The following ZNF425 variants were observed in gnomAD, a reference collection of about 807,000 sequenced individuals.
ZNF425 encodes the protein zinc finger protein 425.
ZNF425 carries 21 observed loss-of-function variants against 17.0 expected under a neutral mutation model. The ratio of observed to expected loss-of-function variants is 1.23; its 90% confidence interval spans 0.88 to 1.78. ZNF425 has a LOEUF of 1.78. Among genes scored for constraint, ZNF425 ranks in the 40% most tolerant of loss-of-function variants. ZNF425 has a pLI of 0.00. For synonymous variants in ZNF425, 433 were observed against 384.1 expected, an observed-to-expected ratio of 1.13 and a Z score of -1.49; for missense variants, 868 against 967.3, an observed-to-expected ratio of 0.90 and a Z score of 1.36.
chr7:149,111,164 A>C (rs1481022837), intron 3 of ZNF425, among the ~76,000 whole-genome samples: 1 of 151,524 alleles, frequency 6.6e-6, no homozygotes, highest in Non-Finnish European at 1.5e-5. Flanking sequence ...AACATATATC[A>C]CCACACCAGG....
chr7:149,105,522 T>G lies in ZNF425; in HGVS notation c.349A>C (p.Asn117His). The G allele has an allele frequency of 6.6e-7, 1 of 1,517,340 alleles. No homozygotes were observed. The allele number at this position is 1,517,340 out of a possible 1,614,324, so 94.0% of individuals were successfully genotyped here. The change falls in exon 4 of 4, where the codon AAT (asparagine) becomes CAT (histidine). Residue 117 changes from asparagine to histidine, a missense_variant. By Grantham distance (68) the Asn-to-His change is moderately conservative. Transcript: ENST00000378061. Reference protein sequence around the residue: ...PRTKEEDCRLNGPQKQDLCAA... With the variant: ...PRTKEEDCRLHGPQKQDLCAA... The stretch of plus-strand genomic sequence containing the variant: ...CACAAGTCCTGTTTTTGAGGACCAT[T>G]TAAACGGCAATCCTCTTCTTTTGTC...
In ZNF425 at chr7:149,118,303, C is replaced by T; in HGVS notation, c.64G>A (p.Glu22Lys). The change falls in exon 2 of 4, where the codon GAG (glutamate) becomes AAG (lysine). Residue 22 changes from glutamate (E) to lysine (K), a missense_variant. This residue lies in a region of ZNF425 where 179 missense variants were observed against 216.3 expected (regional missense o/e 0.83). Coordinates refer to ENST00000378061, the MANE Select transcript of ZNF425 (RefSeq NM_001001661.3). Reference sequence around the variant, plus strand: ...TGCCACTTCTCCAGGATCTCCCACTCTTGTTCCGAAAAATATAAGGCCACA... The same window carrying T: ...TGCCACTTCTCCAGGATCTCCCACTTTTGTTCCGAAAAATATAAGGCCACA... ...DDVALYFSEQ[E>K]WEILEKWQKQ... 6.2e-7 allele frequency: 1 copy of T among 1,614,128 alleles called. No homozygotes were observed. The highest frequency in any genetic ancestry group is 1.7e-5 in the Admixed American group (1 of 60,002).
Position 149,104,022 on chromosome 7 carries a change from TC to T in ZNF425, c.1848del (p.Lys617ArgfsTer9). The T allele has an allele frequency of 6.2e-7, 1 of 1,613,888 alleles. No individual in the cohort carries two copies. Among genetic ancestry groups the T allele is most frequent in the Non-Finnish European group, 8.5e-7 (1 of 1,179,812 alleles). ...GEKPYQCPEC[E>X]KTFRLKGNLK... ...AGGTTTCCCTTGAGGCGGAAAGTCT[TC>T]TCGCATTCAGGACACTGGTAGGGCT... is the stretch of plus-strand genomic sequence containing the variant. On this transcript the variant is annotated frameshift_variant, in exon 4 of 4. Coordinates refer to ENST00000378061, the MANE Select transcript of ZNF425 (RefSeq NM_001001661.3). LOFTEE classifies it low-confidence loss of function (END_TRUNC). The surrounding 1 kb of genome is among the most constrained non-coding windows in gnomAD (Gnocchi z 4.3).
chr7:149,103,816 C>T lies in ZNF425; in HGVS notation c.2055G>A (p.Leu685=). The T allele has an allele frequency of 6.2e-7, 1 of 1,614,048 alleles. No individual in the cohort carries two copies. The highest frequency in any genetic ancestry group is 1.6e-4 in the Middle Eastern group (1 of 6,062). Residue 685 remains leucine (L), a synonymous_variant, in exon 4 of 4, where the codon TTG becomes TTA. Coordinates refer to ENST00000378061, the MANE Select transcript of ZNF425 (RefSeq NM_001001661.3). ...AGGGCCTCTCTCCACTGTGCTTATA[C>T]AAGTGGACCTTCAAGCTGCCCCTGA... ...YCIRGSLKVH[L]YKHSGERPFQ...
chr7:149,125,290 A>G (rs903109777), intron 1 of ZNF425, among the ~76,000 whole-genome samples: 1 of 152,214 alleles, frequency 6.6e-6, no homozygotes, highest in Non-Finnish European at 1.5e-5. Context: ...AACTGAATGT[A>G]ACAGGGTTTC....
In ZNF425 at chr7:149,103,961, G is replaced by C. The variant is rs771611305; in HGVS notation, c.1910C>G (p.Pro637Arg). 5.0e-6 allele frequency: 8 copies of C among 1,614,154 alleles called. No individual in the cohort carries two copies. The highest frequency in any genetic ancestry group is 6.8e-6 in the Non-Finnish European group (8 of 1,180,046). ...TTTGCCGCACATCACACAAGAGAAT[G>C]GCTTTTGGCCACTGTGCTGCAGCAG... ...SHLLQHSGQK[P>R]FSCVMCGKSF... The change falls in exon 4 of 4, where the codon CCA becomes CGA. Residue 637 changes from proline (P) to arginine (R), a missense_variant. This residue lies in a region of ZNF425 where 437 missense variants were observed against 444.2 expected (regional missense o/e 0.98). Transcript: ENST00000378061.
At chr7:149,118,076 C>T (rs74531338) in intron 2 of ZNF425, 146 bp downstream of exon 2, 1 of 838,630 alleles carries the variant, frequency 1.2e-6, no homozygotes. Context: ...TTAATATTCC[C>T]AGGCCATTAT....
Position 149,104,081 on chromosome 7 carries a change from A to G in ZNF425, c.1790T>C (p.Leu597Pro). 6.2e-7 allele frequency: 1 copy of G among 1,612,998 alleles called. No homozygotes were observed. The highest frequency in any genetic ancestry group is 1.1e-5 in the South Asian group (1 of 91,076). Reference sequence around the variant, plus strand: ...ACTGTGCAGCCTCAGGTGCTCGGTGAGCTGAGACTGATGCGTGTAGGTCTT... The same window carrying G: ...ACTGTGCAGCCTCAGGTGCTCGGTGGGCTGAGACTGATGCGTGTAGGTCTT... ...CDKTYTHQSQ[L>P]TEHLRLHSGE... The change falls in exon 4 of 4, where the codon CTC becomes CCC. Residue 597 changes from leucine to proline, a missense_variant. Coordinates refer to ENST00000378061, the MANE Select transcript of ZNF425 (RefSeq NM_001001661.3). The surrounding 1 kb of genome is among the most constrained non-coding windows in gnomAD (Gnocchi z 4.3).
intron 2 of ZNF425, among the ~76,000 whole-genome samples, chr7:149,114,471 C>G (rs573045632): frequency 6.7e-6 from 1 of 150,210 alleles, no homozygotes; most frequent in African/African-American, 2.4e-5. Flanking sequence ...CAGAGTGGCT[C>G]ACTGCAACCT....
At position 149,104,289 on chromosome 7, in the gene ZNF425, A is replaced by C; in HGVS notation, c.1582T>G (p.Cys528Gly). 6.2e-7 allele frequency: 1 copy of C among 1,613,722 alleles called. No individual in the cohort carries two copies. Among genetic ancestry groups the C allele is most frequent in the African/African-American group, 1.3e-5 (1 of 75,070 alleles). The change falls in exon 4 of 4, where the codon TGC becomes GGC. Residue 528 changes from cysteine to glycine, a missense_variant. By Grantham distance (159) the Cys-to-Gly change is radical (BLOSUM62 -3). Around this residue, in one of 5 missense-constraint regions of ZNF425, gnomAD observed 437 missense variants for 444.2 expected, o/e 0.98. Transcript: ENST00000378061. The surrounding 1 kb of genome is among the most constrained non-coding windows in gnomAD (Gnocchi z 4.3). ...KVHTTEKPFS[C>G]AECGRSFRRR... ...CGGAAACTGCGGCCGCACTCGGCGC[A>C]GGAGAACGGCTTTTCCGTGGTGTGG...
At chr7:149,114,784 A>T (rs1257658492) in intron 2 of ZNF425, among the ~76,000 whole-genome samples, 2 of 127,632 alleles carry the variant, frequency 1.6e-5, no homozygotes, top group South Asian at 2.3e-4. Context: ...CACTGTGAGT[A>T]AAAAAAAAAA....
At chr7:149,125,968 G>A (rs1010991850) in intron 1 of ZNF425, 22 of 861,034 alleles carry the variant, frequency 2.6e-5, no homozygotes, top group Middle Eastern at 3.5e-4. Flanking sequence ...GGCCACAGAC[G>A]CGCGCGGCCA....
intron 3 of ZNF425, 132 bp from the exon 4 acceptor site, chr7:149,105,698 T>G: frequency 1.9e-6 from 1 of 519,898 alleles, no homozygotes; most frequent in East Asian, 4.5e-5. Context: ...TTGTCCAGGC[T>G]GGATTGCAGT....
Position 149,104,053 on chromosome 7 carries a change from T to G in ZNF425, c.1818A>C (p.Gly606=), listed in dbSNP as rs747654618. The G allele has an allele frequency of 1.8e-5, 29 of 1,613,512 alleles. No individual in the cohort carries two copies. The East Asian group carries it at 5.3e-4, about 30-fold the overall frequency. Residue 606 remains glycine (G), a synonymous_variant, in exon 4 of 4, where the codon GGA becomes GGC. Coordinates refer to ENST00000378061, the MANE Select transcript of ZNF425 (RefSeq NM_001001661.3). The surrounding 1 kb of genome is among the most constrained non-coding windows in gnomAD (Gnocchi z 4.3). ...ATTCAGGACACTGGTAGGGCTTCTCTCCACTGTGCAGCCTCAGGTGCTCGG... is the reference window on the plus strand; with the variant it reads ...ATTCAGGACACTGGTAGGGCTTCTCGCCACTGTGCAGCCTCAGGTGCTCGG... ...QLTEHLRLHS[G]EKPYQCPECE...
At position 149,104,479 on chromosome 7, in the gene ZNF425, G is replaced by C; in HGVS notation, c.1392C>G (p.His464Gln). The change falls in exon 4 of 4, where the codon CAC (histidine) becomes CAG (glutamine). Residue 464 changes from histidine to glutamine, a missense_variant. Coordinates refer to ENST00000378061, the MANE Select transcript of ZNF425 (RefSeq NM_001001661.3). This position sits in a 1 kb window ranked among gnomAD's most constrained non-coding sequence, Gnocchi z 4.3. ...CGCAGGGGAAGGGCTTTTGCTCGCT[G>C]TGCAGGCGCTGGTGGGCGCGCATGG... The part of the protein sequence containing the change: ...RNAMRAHQRL[H>Q]SEQKPFPCAE... The C allele has an allele frequency of 1.3e-6, 2 of 1,598,326 alleles. No individual in the cohort carries two copies. Among genetic ancestry groups the C allele is most frequent in the Admixed American group, 3.5e-5 (2 of 57,946 alleles).
chr7:149,116,754 A>G (rs1320739768), intron 2 of ZNF425, among the ~76,000 whole-genome samples: 1 of 151,972 alleles, frequency 6.6e-6, no homozygotes. Context: ...AGATCCTACC[A>G]CAGGCTCAGT....
chr7:149,113,547 AC>A (rs1480184514), intron 2 of ZNF425: 1 of 124,438 alleles, frequency 8.0e-6, no homozygotes, highest in Non-Finnish European at 1.6e-5. Flanking sequence ...CCCCATTCCT[AC>A]AAATTTTTTT....
chr7:149,121,615 C>T (rs1212713988), intron 1 of ZNF425, among the ~76,000 whole-genome samples: 8 of 152,178 alleles, frequency 5.3e-5, no homozygotes, highest in African/African-American at 1.7e-4. Context: ...TGGTCTTGAA[C>T]TCCTGATCTT....
At position 149,104,992 on chromosome 7, in the gene ZNF425, C is replaced by T. The variant is rs1424252672; in HGVS notation, c.879G>A (p.Leu293=). The T allele has an allele frequency of 1.2e-6, 2 of 1,614,194 alleles. No individual in the cohort carries two copies. Among genetic ancestry groups the T allele is most frequent in the South Asian group, 2.2e-5 (2 of 91,082 alleles). ...ACGGCCGCTCCCCGCGGTGTAGACA[C>T]AGGTGCTTCTTCAGGTTGGCCCTGT... The part of the protein sequence containing the change: ...FRYRANLKKH[L]CLHRGERPFC... The change falls in exon 4 of 4, where the codon CTG becomes CTA. Residue 293 remains leucine, a synonymous_variant. Transcript: ENST00000378061. This position sits in a 1 kb window ranked among gnomAD's most constrained non-coding sequence, Gnocchi z 4.3.
Sources: gnomAD v4.1 joint callset for allele counts (sites outside exome capture counted in the v4.1 genomes callset) on GRCh38, gnomAD v4.1.1 for gene constraint, gnomAD v4.1.1 regional missense constraint, Gnocchi (gnomAD v3.1) non-coding constraint, MANE v1.5 for transcripts, NCBI Gene and HGNC (gene_info 2026-07-23, HGNC 2026-07-21) for gene names.